Variants in PLS1 observed in about 807,000 individuals in gnomAD.
PLS1 encodes the protein plastin-1.
PLS1 carries 32 observed loss-of-function variants against 73.7 expected under a neutral mutation model. That is an observed-to-expected ratio of 0.43 (90% CI 0.33 to 0.58). PLS1 has a LOEUF of 0.58. Ranked by LOEUF, PLS1 falls within the 20% of genes least tolerant of loss-of-function variation. The pLI is 0.04. For missense variants in PLS1, 633 were observed against 740.5 expected (o/e 0.85, Z 1.68); for synonymous variants, 217 against 261.3 (o/e 0.83, Z 1.63).
intron 14 of PLS1, among the ~76,000 whole-genome samples, chr3:142,704,963 C>T (rs566073777): frequency 8.6e-5 from 13 of 151,530 alleles, no homozygotes; most frequent in African/African-American, 2.2e-4. Flanking sequence ...TGGCCAGGAA[C>T]GAATTTTTAT....
chr3:142,621,869 C>A (rs2036321697), intron 1 of PLS1, among the ~76,000 whole-genome samples: 1 of 152,180 alleles, frequency 6.6e-6, no homozygotes. Flanking sequence ...GAACTCCATG[C>A]AACAGCAGCA....
At chr3:142,700,585 G>A (rs2038311455) in intron 12 of PLS1, among the ~76,000 whole-genome samples, 1 of 152,188 alleles carries the variant, frequency 6.6e-6, no homozygotes, top group African/African-American at 2.4e-5. Context: ...GCCTCCGAAA[G>A]TGCTGGGATT....
chr3:142,619,965 C>T (rs763100983), intron 1 of PLS1, among the ~76,000 whole-genome samples: 2 of 151,984 alleles, frequency 1.3e-5, no homozygotes, highest in Non-Finnish European at 2.9e-5. Flanking sequence ...ATGTATATAG[C>T]TTGATGAATT....
chr3:142,676,292 G>T lies in PLS1; in HGVS notation c.497+3G>T. ...CTTGCAGATGGCATCCTTCTTTGGT[G>T]AGTTGAACTTCTGGTTAAGGAAGCT... is the stretch of plus-strand genomic sequence containing the variant. On this transcript the variant is annotated splice_donor_region_variant and intron_variant, in intron 5 of 15. Coordinates refer to ENST00000457734, the MANE Select transcript of PLS1 (RefSeq NM_001145319.2). The T allele has an allele frequency of 6.2e-7, 1 of 1,610,800 alleles. No individual in the cohort carries two copies. Among genetic ancestry groups the T allele is most frequent in the Non-Finnish European group, 8.5e-7 (1 of 1,179,028 alleles).
chr3:142,635,473 C>T (rs572586904), intron 1 of PLS1, among the ~76,000 whole-genome samples: 18 of 150,594 alleles, frequency 1.2e-4, no homozygotes, highest in African/African-American at 3.4e-4. Flanking sequence ...CATGGTGACG[C>T]GAGTCTGCAG....
intron 1 of PLS1, among the ~76,000 whole-genome samples, chr3:142,630,961 A>ACACACACACACACC (rs1467765209): frequency 5.3e-5 from 8 of 151,838 alleles, no homozygotes; most frequent in African/African-American, 1.9e-4. Context: ...ACACACACAC[A>ACACACACACACACC]CACACACACA....
intron 1 of PLS1, among the ~76,000 whole-genome samples, chr3:142,630,938 AACACACACACAC>A (rs140962182): frequency 7.3e-6 from 1 of 137,360 alleles, no homozygotes; most frequent in Admixed American, 7.2e-5. Context: ...CATGTAAATA[AACACACACACAC>A]ACACACACAC....
intron 11 of PLS1, among the ~76,000 whole-genome samples, chr3:142,696,733 A>AATAATG (rs1305884568): frequency 6.8e-6 from 1 of 147,692 alleles, no homozygotes; most frequent in African/African-American, 2.5e-5. Flanking sequence ...TAATAATAAT[A>AATAATG]ATAATAATAA....
intron 10 of PLS1, among the ~76,000 whole-genome samples, chr3:142,693,435 G>A (rs1442332175): frequency 6.6e-6 from 1 of 152,202 alleles, no homozygotes; most frequent in East Asian, 1.9e-4. Flanking sequence ...TGTCCTGTGA[G>A]TCTCACATGG....
At chr3:142,703,804 C>T (rs2038387247) in intron 12 of PLS1, 64 bp from the exon 13 acceptor site, 3 of 1,063,104 alleles carry the variant, frequency 2.8e-6, no homozygotes, top group Non-Finnish European at 4.3e-6. Context: ...CTGAACTAGG[C>T]TGGCCTATTC....
chr3:142,605,651 C>G (rs188489260), intron 1 of PLS1, among the ~76,000 whole-genome samples: 129 of 152,300 alleles, frequency 8.5e-4, no homozygotes, highest in Admixed American at 2.9e-3. Context: ...GCAGTCAATT[C>G]ATATTTTCTT....
intron 1 of PLS1, among the ~76,000 whole-genome samples, chr3:142,606,819 T>C (rs1460654274): frequency 6.6e-6 from 1 of 152,220 alleles, no homozygotes; most frequent in African/African-American, 2.4e-5. Context: ...TGTGGACATA[T>C]CACATTTTAT....
At chr3:142,633,287 T>G (rs548552308) in intron 1 of PLS1, among the ~76,000 whole-genome samples, 1 of 152,268 alleles carries the variant, frequency 6.6e-6, no homozygotes, top group African/African-American at 2.4e-5. Context: ...ATGACAAAGT[T>G]ATAGAGAACT....
chr3:142,613,683 G>T (rs57398312), intron 1 of PLS1, among the ~76,000 whole-genome samples: 1 of 152,152 alleles, frequency 6.6e-6, no homozygotes, highest in Non-Finnish European at 1.5e-5. Flanking sequence ...TGCGTCTCTT[G>T]CTGTAACACT....
intron 1 of PLS1, among the ~76,000 whole-genome samples, chr3:142,653,083 T>C (rs1166365956): frequency 2.6e-5 from 4 of 152,314 alleles, no homozygotes; most frequent in African/African-American, 7.2e-5. Context: ...TGTTTTTACA[T>C]TGTTATTCTG....
chr3:142,678,127 C>G lies in PLS1; in HGVS notation c.579+14C>G. ...TTCACTATTTCTGTAAGTATTTGCC[C>G]TTTGCTTATTATCATGTTACTATGC... On this transcript the variant is annotated intron_variant, in intron 6 of 15. Transcript: ENST00000457734. The G allele has an allele frequency of 6.7e-6, 9 of 1,349,294 alleles. No homozygotes were observed. Among genetic ancestry groups the G allele is most frequent in the Non-Finnish European group, 9.2e-6 (9 of 977,116 alleles). 83.6% of individuals were successfully genotyped at this position (1,349,294 alleles called of 1,614,324 possible).
chr3:142,688,657 T>C (rs955441603), intron 9 of PLS1, among the ~76,000 whole-genome samples: 5 of 152,232 alleles, frequency 3.3e-5, no homozygotes, highest in African/African-American at 1.2e-4. Context: ...CAAAATTAAA[T>C]TCTTCATTTT....
intron 1 of PLS1, among the ~76,000 whole-genome samples, chr3:142,616,198 G>C (rs2036213157): frequency 6.6e-6 from 1 of 152,160 alleles, no homozygotes; most frequent in Non-Finnish European, 1.5e-5. Flanking sequence ...TCCCTCAACA[G>C]ATAATCCTGC....
chr3:142,677,987 A>G (rs761761170), intron 5 of PLS1, 45 bp from the exon 6 acceptor site: 2 of 915,946 alleles, frequency 2.2e-6, no homozygotes, highest in South Asian at 3.2e-5. Context: ...AAACTAAAAA[A>G]ATTTCTTGGA....
Sources: gnomAD v4.1 joint callset for allele counts (sites outside exome capture counted in the v4.1 genomes callset) on GRCh38, gnomAD v4.1.1 for gene constraint, MANE v1.5 for transcripts, NCBI Gene and HGNC (gene_info 2026-07-23, HGNC 2026-07-21) for gene names.